Variants in FMN1 observed in about 807,000 individuals in gnomAD.
FMN1 encodes formin-1.
A neutral mutation model predicts 132.4 loss-of-function variants in FMN1; 110 were observed. The observed-to-expected ratio is 0.83, with a 90% CI of 0.71 to 0.97. The LOEUF is 0.97. Ranked by LOEUF, FMN1 falls within the 50% of genes least tolerant of loss-of-function variation. The pLI is 0.00. For synonymous variants in FMN1, 722 were observed against 651.7 expected (o/e 1.11, Z -1.64); for missense variants, 1,792 against 1,705.3 (o/e 1.05, Z -0.90).
chr15:32,796,544 A>G (rs1216029645), intron 19 of FMN1, among the ~76,000 whole-genome samples: 1 of 152,250 alleles, frequency 6.6e-6, no homozygotes, highest in African/African-American at 2.4e-5. Flanking sequence ...TGGGGAAAGT[A>G]TAATTGAAAC....
At chr15:32,930,902 T>C (rs12592632) in intron 9 of FMN1, among the ~76,000 whole-genome samples, 23,138 of 152,182 alleles carry the variant, frequency 0.15, 2,308 homozygotes, top group Non-Finnish European at 0.23. Flanking sequence ...TTTCATTCTT[T>C]TGTGTGTGGA....
At chr15:33,028,968 G>A (rs1423619259) in intron 6 of FMN1, among the ~76,000 whole-genome samples, 1 of 152,110 alleles carries the variant, frequency 6.6e-6, no homozygotes, top group East Asian at 1.9e-4. Flanking sequence ...ACCACAAAAA[G>A]AACACAACTT....
chr15:33,012,264 C>T (rs1342521094), intron 6 of FMN1: 4 of 719,186 alleles, frequency 5.6e-6, no homozygotes, highest in African/African-American at 5.2e-5. Context: ...TAATGAGATC[C>T]AAACACCAGG....
intron 5 of FMN1, among the ~76,000 whole-genome samples, chr15:33,068,753 C>T (rs2037866502): frequency 6.6e-6 from 1 of 152,096 alleles, no homozygotes; most frequent in South Asian, 2.1e-4. Flanking sequence ...TTAGCTCTGC[C>T]CTAGCTGTCT....
chr15:32,916,689 T>C (rs937701483), intron 10 of FMN1, among the ~76,000 whole-genome samples: 2 of 152,180 alleles, frequency 1.3e-5, no homozygotes, highest in South Asian at 4.1e-4. Flanking sequence ...TATGTAATAA[T>C]GTTTTGCAAA....
At chr15:33,017,698 T>TG (rs1348933097) in intron 6 of FMN1, among the ~76,000 whole-genome samples, 1 of 152,108 alleles carries the variant, frequency 6.6e-6, no homozygotes, top group Non-Finnish European at 1.5e-5. Flanking sequence ...TATCAAAAGA[T>TG]GGGGGGAAAC....
At chr15:32,939,852 T>C (rs1258596166) in intron 9 of FMN1, among the ~76,000 whole-genome samples, 1 of 152,162 alleles carries the variant, frequency 6.6e-6, no homozygotes, top group African/African-American at 2.4e-5. Context: ...AATCATAAAT[T>C]GCCTGAAATT....
At chr15:32,990,302 A>G (rs2033353821) in intron 7 of FMN1, among the ~76,000 whole-genome samples, 5 of 152,138 alleles carry the variant, frequency 3.3e-5, no homozygotes, top group Admixed American at 3.3e-4. Flanking sequence ...AAGATAGAGA[A>G]GCACACCGTG....
chr15:32,870,489 G>A (rs1383656711), intron 16 of FMN1, among the ~76,000 whole-genome samples: 1 of 152,102 alleles, frequency 6.6e-6, no homozygotes, highest in African/African-American at 2.4e-5. Flanking sequence ...GAGGTGACAG[G>A]GCCAAGTGAG....
chr15:33,168,431 G>C (rs1965193635), intron 3 of FMN1, among the ~76,000 whole-genome samples: 1 of 152,156 alleles, frequency 6.6e-6, no homozygotes, highest in Non-Finnish European at 1.5e-5. Context: ...CATAATGTTT[G>C]CAAAATTCCT....
At chr15:33,034,857 T>G (rs910933500) in intron 6 of FMN1, among the ~76,000 whole-genome samples, 1 of 152,174 alleles carries the variant, frequency 6.6e-6, no homozygotes. Flanking sequence ...AGGGAGTCTT[T>G]GCAAATACTA....
intron 7 of FMN1, among the ~76,000 whole-genome samples, chr15:33,006,663 T>C (rs2034434198): frequency 6.6e-6 from 1 of 152,108 alleles, no homozygotes; most frequent in African/African-American, 2.4e-5. Flanking sequence ...GGACAAATGG[T>C]TAAAAAAAAT....
chr15:32,909,088 T>C (rs553431367), intron 11 of FMN1, among the ~76,000 whole-genome samples: 1 of 152,354 alleles, frequency 6.6e-6, no homozygotes, highest in African/African-American at 2.4e-5. Flanking sequence ...ACTTACTTTC[T>C]CAATTTATCC....
chr15:32,930,492 A>G (rs2061085246), intron 9 of FMN1, among the ~76,000 whole-genome samples: 2 of 151,342 alleles, frequency 1.3e-5, no homozygotes, highest in Admixed American at 1.3e-4. Context: ...TTCCCTGGTG[A>G]TTAGTGATGT....
At position 33,076,409 on chromosome 15, in the gene FMN1, A is replaced by T. The variant is rs1595416474; in HGVS notation, c.2044-11335T>A. 2.0e-5 allele frequency among the ~76,000 whole-genome samples: 3 copies of T among 152,144 alleles called. No individual in the cohort carries two copies. In the East Asian group the frequency reaches 5.8e-4, roughly 29 times the overall value. On this transcript the variant is annotated intron_variant, in intron 5 of 20. Coordinates refer to ENST00000616417, the MANE Select transcript of FMN1 (RefSeq NM_001277313.2). ...ACTGCTATAACTTTTTCTTTTCCTT[A>T]ATTTTTTTAAAGTAAAAGTTATCTT... is the stretch of plus-strand genomic sequence containing the variant.
chr15:33,003,519 A>G (rs1374090133), intron 7 of FMN1, among the ~76,000 whole-genome samples: 3 of 152,258 alleles, frequency 2.0e-5, no homozygotes, highest in Admixed American at 1.3e-4. Context: ...AAGGAGAACT[A>G]CAAACCACTG....
chr15:32,989,585 G>C (rs990793688), intron 7 of FMN1, among the ~76,000 whole-genome samples: 22 of 152,122 alleles, frequency 1.4e-4, no homozygotes, highest in African/African-American at 5.3e-4. Flanking sequence ...AGAAAGCCAA[G>C]ATAAATTGGA....
At chr15:33,091,881 CAA>C (rs1454117491) in intron 4 of FMN1, among the ~76,000 whole-genome samples, 1 of 152,174 alleles carries the variant, frequency 6.6e-6, no homozygotes, top group Non-Finnish European at 1.5e-5. Flanking sequence ...TTTTCCGACA[CAA>C]ATAGATTTGG....
chr15:32,778,120 C>A (rs1229210863), intron 19 of FMN1, among the ~76,000 whole-genome samples: 1 of 72,716 alleles, frequency 1.4e-5, no homozygotes, highest in Non-Finnish European at 2.6e-5. Flanking sequence ...ATATATAATA[C>A]ATTTATTATA....
Sources: gnomAD v4.1 joint callset for allele counts (sites outside exome capture counted in the v4.1 genomes callset) on GRCh38, gnomAD v4.1.1 for gene constraint, MANE v1.5 for transcripts, NCBI Gene and HGNC (gene_info 2026-07-23, HGNC 2026-07-21) for gene names.